The following TRIO variants were observed in gnomAD, a reference collection of about 807,000 sequenced individuals.
The protein encoded by TRIO is triple functional domain protein.
In TRIO, 58 loss-of-function variants were observed where a neutral mutation model predicts 351.9. The ratio of observed to expected loss-of-function variants is 0.16; its 90% CI spans 0.13 to 0.21. TRIO has a LOEUF of 0.21. Among genes scored for constraint, TRIO ranks in the 10% least tolerant of loss-of-function variants. The pLI is 1.00. For synonymous variants in TRIO, 1,758 were observed against 1,595.7 expected (o/e 1.10, Z -2.42); for missense variants, 3,201 against 4,027.8 (o/e 0.79, Z 5.56).
In TRIO at chr5:14,399,086, C is replaced by T; in HGVS notation, c.4614+16C>T. 6.2e-7 allele frequency: 1 copy of T among 1,609,418 alleles called. No homozygotes were observed. The highest frequency in any genetic ancestry group is 1.7e-4 in the Middle Eastern group (1 of 6,052). ...CAAATTGTTTGTAAGTATAGGCGTT[C>T]AGAATTGTAAGTCTAAAGGTAACAC... On this transcript the variant is annotated intron_variant, in intron 30 of 56. Coordinates refer to ENST00000344204, the MANE Select transcript of TRIO (RefSeq NM_007118.4).
rs534343513 is a variant in TRIO at position 14,157,784 on chromosome 5, C to T, written c.157+13902C>T. On this transcript the variant is annotated intron_variant, in intron 1 of 56. Transcript: ENST00000344204. ...ATCTTTTTTTGTAGAGATGGGGTTT[C>T]GCCATGTTGCCCAGGCTGGTCTTGA... Among the ~76,000 whole-genome samples, 9 of 152,108 alleles carry T rather than the reference C, an allele frequency of 5.9e-5. No homozygotes were observed. The South Asian group carries it at 1.3e-3, about 21-fold the overall frequency.
At chr5:14,214,073 G>A (rs755038039) in intron 1 of TRIO, among the ~76,000 whole-genome samples, 2 of 152,140 alleles carry the variant, frequency 1.3e-5, no homozygotes, top group African/African-American at 2.4e-5. Flanking sequence ...AGTCAGGCAA[G>A]CCGCAGTCAG....
chr5:14,146,368 C>G (rs573451824), intron 1 of TRIO, among the ~76,000 whole-genome samples: 2 of 152,288 alleles, frequency 1.3e-5, no homozygotes, highest in Non-Finnish European at 2.9e-5. Flanking sequence ...AAAGTGCCAA[C>G]CTGACTTAGA....
At chr5:14,186,715 T>C (rs1189556291) in intron 1 of TRIO, among the ~76,000 whole-genome samples, 1 of 152,024 alleles carries the variant, frequency 6.6e-6, no homozygotes, top group Non-Finnish European at 1.5e-5. Context: ...GTAGTTGGGA[T>C]TATAGGTGCA....
At chr5:14,493,727 A>G (rs1299216259) in intron 49 of TRIO, among the ~76,000 whole-genome samples, 8 of 152,188 alleles carry the variant, frequency 5.3e-5, no homozygotes, top group Admixed American at 5.2e-4. Flanking sequence ...TTAGTGAGGA[A>G]GGCATGCCAA....
intron 31 of TRIO, among the ~76,000 whole-genome samples, chr5:14,405,112 CAAG>C (rs1748588948): frequency 6.6e-6 from 1 of 150,890 alleles, no homozygotes; most frequent in South Asian, 2.1e-4. Context: ...AAGTCTGGAT[CAAG>C]TGATGTCGTG....
At chr5:14,279,295 T>C (rs1380071176) in intron 2 of TRIO, among the ~76,000 whole-genome samples, 2 of 152,256 alleles carry the variant, frequency 1.3e-5, no homozygotes, top group African/African-American at 4.8e-5. Context: ...AATATGTTTT[T>C]AAAATACCAT....
intron 28 of TRIO, 58 bp from the exon 29 acceptor site, chr5:14,396,985 G>A (rs1006672987): frequency 6.9e-7 from 1 of 1,442,702 alleles, no homozygotes; most frequent in Admixed American, 2.1e-5. Flanking sequence ...TTCTGCCAAG[G>A]TCTTATTGGC....
intron 21 of TRIO, among the ~76,000 whole-genome samples, chr5:14,384,186 TG>T (rs1042413912): frequency 2.6e-5 from 4 of 152,196 alleles, no homozygotes; most frequent in African/African-American, 7.2e-5. Flanking sequence ...GCTCACCACT[TG>T]ATTTTTGCAC....
In TRIO at chr5:14,364,259, A is replaced by G. The variant is rs1744406681; in HGVS notation, c.2587+332A>G. Among the ~76,000 whole-genome samples the G allele has an allele frequency of 2.0e-5, 3 of 152,244 alleles. No individual in the cohort carries two copies. The South Asian group carries it at 6.2e-4, about 31-fold the overall frequency. ...TTTTTAGTTTATGTTTTACCAGCAG[A>G]TGTCACTATAGGTTCAGAAATGTAT... is the stretch of plus-strand genomic sequence containing the variant. On this transcript the variant is annotated intron_variant, in intron 14 of 56. Coordinates refer to ENST00000344204, the MANE Select transcript of TRIO (RefSeq NM_007118.4).
intron 1 of TRIO, among the ~76,000 whole-genome samples, chr5:14,206,126 A>G (rs1791442884): frequency 6.6e-6 from 1 of 152,102 alleles, no homozygotes; most frequent in African/African-American, 2.4e-5. Flanking sequence ...CAGTGGCGCA[A>G]TCTCAGCTCA....
chr5:14,386,734 A>AAAT (rs904170141), intron 21 of TRIO, among the ~76,000 whole-genome samples: 1 of 152,238 alleles, frequency 6.6e-6, no homozygotes, highest in Non-Finnish European at 1.5e-5. Flanking sequence ...TCTCTGTGAA[A>AAAT]AATAATAAAC....
At chr5:14,359,650 C>T (rs1329106543) in intron 13 of TRIO, 119 bp downstream of exon 13, 1 of 1,209,956 alleles carries the variant, frequency 8.3e-7, no homozygotes, top group East Asian at 2.6e-5. Flanking sequence ...CACCCCAACC[C>T]TCTGCACCAG....
At chr5:14,420,199 G>A (rs1456536310) in intron 34 of TRIO, 178 bp downstream of exon 34, 1 of 932,246 alleles carries the variant, frequency 1.1e-6, no homozygotes, top group Non-Finnish European at 1.6e-6. Flanking sequence ...GAGGAAATGA[G>A]GATTTCACCC....
chr5:14,400,804 C>G (rs1330332336), intron 30 of TRIO, among the ~76,000 whole-genome samples, 159 bp from the exon 31 acceptor site: 2 of 152,214 alleles, frequency 1.3e-5, no homozygotes, highest in African/African-American at 2.4e-5. Flanking sequence ...CCTAAGAACA[C>G]AATGTCCTCA....
At position 14,259,551 on chromosome 5, in the gene TRIO, A is replaced by T. The variant is rs191704363; in HGVS notation, c.158-11274A>T. ...TACCAGAATTCTTTTTCTGCTTGAG[A>T]AAAGAGGGTGTAGGGCAGGACAGCA... On this transcript the variant is annotated intron_variant, in intron 1 of 56. Coordinates refer to ENST00000344204, the MANE Select transcript of TRIO (RefSeq NM_007118.4). Among the ~76,000 whole-genome samples the T allele has an allele frequency of 2.6e-5, 4 of 152,304 alleles. No individual in the cohort carries two copies. The East Asian group carries it at 7.7e-4, about 29-fold the overall frequency.
chr5:14,208,925 T>C (rs1791706893), intron 1 of TRIO, among the ~76,000 whole-genome samples: 1 of 152,240 alleles, frequency 6.6e-6, no homozygotes. Context: ...GTTATAAAGT[T>C]TGTTTGTAAA....
chr5:14,462,332 G>T (rs898586784), intron 35 of TRIO, among the ~76,000 whole-genome samples: 5 of 152,220 alleles, frequency 3.3e-5, no homozygotes, highest in African/African-American at 1.2e-4. Context: ...TGCTTAAAAT[G>T]CATCTTGGAT....
intron 4 of TRIO, among the ~76,000 whole-genome samples, chr5:14,287,489 A>G (rs760769387): frequency 1.3e-4 from 20 of 152,218 alleles, no homozygotes; most frequent in Non-Finnish European, 2.9e-5. Context: ...TCATCCTGTC[A>G]TGGATAATGG....
Sources: gnomAD v4.1 joint callset for allele counts (sites outside exome capture counted in the v4.1 genomes callset) on GRCh38, gnomAD v4.1.1 for gene constraint, MANE v1.5 for transcripts, NCBI Gene and HGNC (gene_info 2026-07-23, HGNC 2026-07-21) for gene names.